GPX8: variants seen among roughly 807,000 people sequenced by gnomAD.
The protein encoded by GPX8 is protein peroxidase GPX8.
A neutral mutation model predicts 17.8 loss-of-function variants in GPX8; 12 were observed. The ratio of observed to expected loss-of-function variants is 0.67; its 90% CI spans 0.43 to 1.09. The LOEUF is 1.09. GPX8 is among the 50% of genes least tolerant of loss of function. The probability of loss-of-function intolerance (pLI) is 0.00; values close to 1 mark genes in which losing one functional copy is unlikely to be tolerated. For missense variants in GPX8, 209 were observed against 235.6 expected, an observed-to-expected ratio of 0.89 and a Z score of 0.74; for synonymous variants, 86 against 88.1, an observed-to-expected ratio of 0.98 and a Z score of 0.14.
chr5:55,165,545 T>G lies in GPX8; in HGVS notation c.*1327T>G, dbSNP rs577273036. The G allele has an allele frequency of 6.6e-6, 1 of 152,346 alleles. No homozygotes were observed. The highest frequency in any genetic ancestry group is 2.4e-5 in the African/African-American group (1 of 41,580). 9.4% of individuals were successfully genotyped at this position (152,346 alleles called of 1,614,324 possible). A position where few individuals can be genotyped will look rare whatever the true frequency, so the allele number is the denominator to read the frequency against. On this transcript the variant is annotated 3_prime_UTR_variant, in exon 3 of 3. Transcript: ENST00000503787. ...AATTCAGTAATGCTACCTCAGTATATAGTTCTGTATACGTATTTGGACCAA... is the reference window on the plus strand; with the variant it reads ...AATTCAGTAATGCTACCTCAGTATAGAGTTCTGTATACGTATTTGGACCAA...
At chr5:55,160,909 A>G (rs960618667) in intron 1 of GPX8, 85 bp from the exon 2 acceptor site, 22 of 1,402,446 alleles carry the variant, frequency 1.6e-5, no homozygotes, top group Middle Eastern at 1.9e-4. Flanking sequence ...GTCCCCCCCA[A>G]ATTGTTTAGG....
rs1318721399 is a variant in GPX8 at position 55,165,328 on chromosome 5, A to G, written c.*1110A>G. 2.0e-5 allele frequency: 3 copies of G among 152,174 alleles called. No individual in the cohort carries two copies. Among genetic ancestry groups the G allele is most frequent in the African/African-American group, 4.8e-5 (2 of 41,442 alleles). The allele number at this position is 152,174 out of a possible 1,614,324, so 9.4% of individuals were successfully genotyped here. On this transcript the variant is annotated 3_prime_UTR_variant, in exon 3 of 3. Transcript: ENST00000503787. ...AATTGACTAACAAAGCAACCTGCCA[A>G]GTTGGTGAAGGTTAATTATTGCCTC...
At chr5:55,162,055 G>T (rs1463135206) in intron 2 of GPX8, among the ~76,000 whole-genome samples, 2 of 136,592 alleles carry the variant, frequency 1.5e-5, no homozygotes, top group Admixed American at 8.4e-5. Flanking sequence ...TACACTGCTT[G>T]CTCTGTGCCA....
intron 1 of GPX8, 168 bp from the exon 2 acceptor site, chr5:55,160,826 G>T (rs1350520638): frequency 1.6e-6 from 1 of 629,862 alleles, no homozygotes; most frequent in Non-Finnish European, 2.6e-6. Context: ...CTTAACCCAG[G>T]CATCTAGGTT....
chr5:55,165,670 G>C lies in GPX8; in HGVS notation c.*1452G>C, dbSNP rs1160747376. 6.6e-6 allele frequency: 1 copy of C among 152,246 alleles called. No individual in the cohort carries two copies. Among genetic ancestry groups the C allele is most frequent in the Non-Finnish European group, 1.5e-5 (1 of 68,042 alleles). 9.4% of individuals were successfully genotyped at this position (152,246 alleles called of 1,614,324 possible). A position where few individuals can be genotyped will look rare whatever the true frequency, so the allele number is the denominator to read the frequency against. On this transcript the variant is annotated 3_prime_UTR_variant, in exon 3 of 3. Transcript: ENST00000503787. ...AATGTATTTAGAAAGATATTTGGTG[G>C]AGGTGGAATTTCTACCAGAGGTCAA... is the stretch of plus-strand genomic sequence containing the variant.
chr5:55,160,378 G>C lies in GPX8; in HGVS notation c.186G>C (p.Leu62=), dbSNP rs996685724. The change falls in exon 1 of 3, where the codon CTG becomes CTC. Residue 62 remains leucine, a synonymous_variant. Coordinates refer to ENST00000503787, the MANE Select transcript of GPX8 (RefSeq NM_001008397.4). ...ATGCAAAAGGAAGAACTGTTTCTCT[G>C]GAAAAGTATAAAGGCAAAGTAAGTT... is the stretch of plus-strand genomic sequence containing the variant. ...VKDAKGRTVS[L]EKYKGKVSLV... The C allele has an allele frequency of 6.2e-7, 1 of 1,612,158 alleles. No homozygotes were observed. Among genetic ancestry groups the C allele is most frequent in the Non-Finnish European group, 8.5e-7 (1 of 1,179,636 alleles).
At chr5:55,163,331 G>A (rs771225112) in intron 2 of GPX8, among the ~76,000 whole-genome samples, 21 of 151,844 alleles carry the variant, frequency 1.4e-4, no homozygotes, top group Non-Finnish European at 2.5e-4. Context: ...AGCCCATCCC[G>A]GGCAACACAG....
rs12653368 is a variant in GPX8, at chr5:55,166,921, C to T, written c.*2703C>T. On this transcript the variant is annotated 3_prime_UTR_variant, in exon 3 of 3. Transcript: ENST00000503787. Reference sequence around the variant, plus strand: ...GGCACATGCCTGTAATCCCAGCTACCTGGGAGGCTGAGTCAGAAGAATCAC... The same window carrying T: ...GGCACATGCCTGTAATCCCAGCTACTTGGGAGGCTGAGTCAGAAGAATCAC... The T allele has an allele frequency of 0.14, 21,828 of 152,006 alleles. 1,889 individuals are homozygous for T. The highest frequency in any genetic ancestry group is 0.26 in the East Asian group (1,330 of 5,156). The allele number at this position is 152,006 out of a possible 1,614,324, so 9.4% of individuals were successfully genotyped here.
Position 55,162,339 on chromosome 5 carries a change from G to A in GPX8, c.466+1084G>A, listed in dbSNP as rs376793999. ...TGAACCCAGAGGCAGAGGTTGCAGTGAGCTGAAATCGCGCTACTGCACTCC... is the reference window on the plus strand; with the variant it reads ...TGAACCCAGAGGCAGAGGTTGCAGTAAGCTGAAATCGCGCTACTGCACTCC... On this transcript the variant is annotated intron_variant, in intron 2 of 2. Transcript: ENST00000503787. Among the ~76,000 whole-genome samples, 18 of 152,288 alleles carry A rather than the reference G, an allele frequency of 1.2e-4. No individual in the cohort carries two copies. The East Asian group carries it at 2.1e-3, about 18-fold the overall frequency.
intron 1 of GPX8, 102 bp from the exon 2 acceptor site, chr5:55,160,892 G>T: frequency 8.3e-7 from 1 of 1,209,052 alleles, no homozygotes; most frequent in Non-Finnish European, 1.1e-6. Context: ...ATCAATCAGA[G>T]GTTATAGTCC....
In GPX8 at chr5:55,166,216, T is replaced by C. The variant is rs1385624775; in HGVS notation, c.*1998T>C. The C allele has an allele frequency of 6.6e-6, 1 of 152,330 alleles. No homozygotes were observed. The highest frequency in any genetic ancestry group is 1.5e-5 in the Non-Finnish European group (1 of 68,156). The allele number at this position is 152,330 out of a possible 1,614,324, so 9.4% of individuals were successfully genotyped here. On this transcript the variant is annotated 3_prime_UTR_variant, in exon 3 of 3. Transcript: ENST00000503787. ...CACATGGGCAGCAGAGACTCCCCAC[T>C]GCCAGATGGATGATAATGGAGCTGC... is the stretch of plus-strand genomic sequence containing the variant.
rs777226102 is a variant in GPX8, at chr5:55,160,423, G to A, written c.204+27G>A. On this transcript the variant is annotated intron_variant, in intron 1 of 2. Coordinates refer to ENST00000503787, the MANE Select transcript of GPX8 (RefSeq NM_001008397.4). ...TAAGTTGCATCATCTGATTTTTATT[G>A]TTATCATTTTTCCTTGTCTCTGTTT... The A allele has an allele frequency of 6.4e-6, 10 of 1,565,388 alleles. No individual in the cohort carries two copies. In the Admixed American group the frequency reaches 6.7e-5, roughly 11 times the overall value.
At chr5:55,163,034 C>T (rs1435967284) in intron 2 of GPX8, among the ~76,000 whole-genome samples, 1 of 152,224 alleles carries the variant, frequency 6.6e-6, no homozygotes, top group Non-Finnish European at 1.5e-5. Context: ...CTCATAGGGT[C>T]CCTGTAAGAT....
At position 55,160,204 on chromosome 5, in the gene GPX8, T is replaced by C; in HGVS notation, c.12T>C (p.Leu4=). 1.2e-6 allele frequency: 2 copies of C among 1,613,914 alleles called. No individual in the cohort carries two copies. The highest frequency in any genetic ancestry group is 1.7e-6 in the Non-Finnish European group (2 of 1,179,814). MEP[L]AAYPLKCSGP... is the part of the protein sequence containing the mutation. ...TAGAATCCTCCAACATGGAGCCTCT[T>C]GCAGCTTACCCGCTAAAATGTTCCG... Residue 4 remains leucine (L), a synonymous_variant, in exon 1 of 3, where the codon CTT becomes CTC. Coordinates refer to ENST00000503787, the MANE Select transcript of GPX8 (RefSeq NM_001008397.4).
At chr5:55,161,313 A>G in intron 2 of GPX8, 58 bp downstream of exon 2, 1 of 1,464,122 alleles carries the variant, frequency 6.8e-7, no homozygotes, top group African/African-American at 1.4e-5. Context: ...AAACAATTAT[A>G]CCAGGACAAT....
chr5:55,164,144 C>A lies in GPX8; in HGVS notation c.556C>A (p.Pro186Thr). ...TGTGAAGTTCTGGAAGCCAGAGGAGCCCATTGAAGTCATCAGGCCTGACAT... is the reference window on the plus strand; with the variant it reads ...TGTGAAGTTCTGGAAGCCAGAGGAGACCATTGAAGTCATCAGGCCTGACAT... The part of the protein sequence containing the change: ...QVVKFWKPEE[P>T]IEVIRPDIAA... The change falls in exon 3 of 3, where the codon CCC becomes ACC. Residue 186 changes from proline (P) to threonine (T), a missense_variant. Coordinates refer to ENST00000503787, the MANE Select transcript of GPX8 (RefSeq NM_001008397.4). The A allele has an allele frequency of 1.2e-6, 2 of 1,603,426 alleles. No homozygotes were observed. Among genetic ancestry groups the A allele is most frequent in the Non-Finnish European group, 1.7e-6 (2 of 1,172,690 alleles).
rs1744388011 is a variant in GPX8, at chr5:55,166,383, A to T, written c.*2165A>T. 1 of 151,982 alleles carries T rather than the reference A, an allele frequency of 6.6e-6. No homozygotes were observed. The highest frequency in any genetic ancestry group is 1.5e-5 in the Non-Finnish European group (1 of 68,002). 9.4% of individuals were successfully genotyped at this position (151,982 alleles called of 1,614,324 possible). A position where few individuals can be genotyped will look rare whatever the true frequency, so the allele number is the denominator to read the frequency against. On this transcript the variant is annotated 3_prime_UTR_variant, in exon 3 of 3. Coordinates refer to ENST00000503787, the MANE Select transcript of GPX8 (RefSeq NM_001008397.4). ...CTTGGCTGCCTTATTCAACCTACAG[A>T]CTCTATGTCAGTGCTGGATTTTCTC...
At position 55,164,886 on chromosome 5, in the gene GPX8, G is replaced by A. The variant is rs1034074654; in HGVS notation, c.*668G>A. ...TATAAATAGTCATTTATAAATGACC[G>A]TATTATAACATTTGAAAAAGTCTTC... On this transcript the variant is annotated 3_prime_UTR_variant, in exon 3 of 3. Transcript: ENST00000503787. 5 of 152,112 alleles carry A rather than the reference G, an allele frequency of 3.3e-5. No individual in the cohort carries two copies. Among genetic ancestry groups the A allele is most frequent in the East Asian group, 1.9e-4 (1 of 5,176 alleles). The allele number at this position is 152,112 out of a possible 1,614,324, so 9.4% of individuals were successfully genotyped here. A position where few individuals can be genotyped will look rare whatever the true frequency, so the allele number is the denominator to read the frequency against.
chr5:55,160,460 T>C, intron 1 of GPX8, 64 bp downstream of exon 1: 2 of 1,351,094 alleles, frequency 1.5e-6, no homozygotes, highest in Non-Finnish European at 1.0e-6. Flanking sequence ...TTCCTCTTAA[T>C]AAAATCAATT....
Sources: allele counts gnomAD v4.1 joint callset (sites outside exome capture counted in the v4.1 genomes callset), GRCh38; gene constraint gnomAD v4.1.1; transcripts MANE v1.5; gene names NCBI Gene and HGNC (gene_info 2026-07-23, HGNC 2026-07-21).